The following FGGY variants were observed in gnomAD, a reference collection of about 807,000 sequenced individuals.
FGGY encodes FGGY carbohydrate kinase domain-containing protein.
In FGGY, 72 loss-of-function variants were observed where a neutral mutation model predicts 71.3. The ratio of observed to expected loss-of-function variants is 1.01; its 90% CI spans 0.84 to 1.23. The LOEUF is 1.23. FGGY is among the 50% of genes most tolerant of loss of function. The pLI is 0.00. For synonymous variants in FGGY, 251 were observed against 250.3 expected (o/e 1.00, Z -0.02); for missense variants, 668 against 682.3 (o/e 0.98, Z 0.23).
At chr1:59,613,528 GC>G (rs1490985169) in intron 9 of FGGY, among the ~76,000 whole-genome samples, 5 of 152,234 alleles carry the variant, frequency 3.3e-5, no homozygotes, top group African/African-American at 1.2e-4. Context: ...AGCACTAAAT[GC>G]CCACAAGAGA....
chr1:59,369,129 C>T (rs1047096530), intron 4 of FGGY, among the ~76,000 whole-genome samples: 9 of 152,158 alleles, frequency 5.9e-5, no homozygotes, highest in Non-Finnish European at 1.0e-4. Flanking sequence ...ACTCGGAAAG[C>T]GCAAGGGGTC....
At chr1:59,436,857 G>T (rs1049689490) in intron 5 of FGGY, among the ~76,000 whole-genome samples, 1 of 152,120 alleles carries the variant, frequency 6.6e-6, no homozygotes, top group Admixed American at 6.6e-5. Context: ...GTAGCTCTTC[G>T]GGGGTGATCT....
chr1:59,686,496 TAAGTG>T (rs1434512885), intron 14 of FGGY, among the ~76,000 whole-genome samples: 5 of 152,210 alleles, frequency 3.3e-5, no homozygotes, highest in Non-Finnish European at 7.3e-5. Context: ...TAAACCACAT[TAAGTG>T]ATGTATTTTT....
chr1:59,441,696 C>T (rs564211478), intron 5 of FGGY, among the ~76,000 whole-genome samples: 40 of 152,286 alleles, frequency 2.6e-4, no homozygotes, highest in Middle Eastern at 3.4e-3. Flanking sequence ...CTGTTACCTT[C>T]TTAACAGATG....
chr1:59,535,317 C>T (rs1440487238), intron 7 of FGGY, among the ~76,000 whole-genome samples: 1 of 152,044 alleles, frequency 6.6e-6, no homozygotes, highest in African/African-American at 2.4e-5. Context: ...TACAGGAGCA[C>T]CCAGATTCAT....
intron 4 of FGGY, among the ~76,000 whole-genome samples, chr1:59,349,972 C>G (rs2052912143): frequency 6.6e-6 from 1 of 152,088 alleles, no homozygotes; most frequent in South Asian, 2.1e-4. Context: ...ACTTTTAATT[C>G]CAAAAGCTCT....
At chr1:59,613,745 C>T (rs142354758) in intron 9 of FGGY, among the ~76,000 whole-genome samples, 5,956 of 151,856 alleles carry the variant, frequency 0.039, 189 homozygotes, top group African/African-American at 0.089. Context: ...ATTGATAGAA[C>T]GCTAGCAAGA....
At chr1:59,626,117 C>T in intron 10 of FGGY, 68 bp downstream of exon 10, 3 of 1,340,494 alleles carry the variant, frequency 2.2e-6, no homozygotes, top group East Asian at 2.4e-5. Flanking sequence ...TCACGTTGGG[C>T]AGTTGGGTGA....
At chr1:59,337,400 G>A (rs2153192796) in intron 2 of FGGY, among the ~76,000 whole-genome samples, 1 of 152,180 alleles carries the variant, frequency 6.6e-6, no homozygotes, top group East Asian at 1.9e-4. Context: ...CACCTGCTTT[G>A]TTCTAATCAC....
At chr1:59,462,272 TGGATCCCTTCCTTACACCTTA>T (rs2092298215) in intron 6 of FGGY, among the ~76,000 whole-genome samples, 1 of 152,196 alleles carries the variant, frequency 6.6e-6, no homozygotes, top group African/African-American at 2.4e-5. Flanking sequence ...AAGCTGAAAC[TGGATCCCTTCCTTACACCTTA>T]TACAAAAGTT....
intron 6 of FGGY, among the ~76,000 whole-genome samples, chr1:59,460,515 A>C (rs2092099751): frequency 6.6e-6 from 1 of 152,232 alleles, no homozygotes; most frequent in South Asian, 2.1e-4. Context: ...CTGCAGTCTT[A>C]AACGTTCCTG....
At chr1:59,616,618 A>T (rs1322966007) in intron 9 of FGGY, among the ~76,000 whole-genome samples, 1 of 152,116 alleles carries the variant, frequency 6.6e-6, no homozygotes, top group Non-Finnish European at 1.5e-5. Flanking sequence ...GTACCCTAAA[A>T]CTTAAAGTAT....
intron 6 of FGGY, among the ~76,000 whole-genome samples, chr1:59,502,539 C>T (rs2094257373): frequency 3.9e-5 from 6 of 152,108 alleles, no homozygotes; most frequent in Admixed American, 3.9e-4. Flanking sequence ...CAGAATTGGC[C>T]GCCCACACTC....
At chr1:59,482,110 T>C (rs547860903) in intron 6 of FGGY, among the ~76,000 whole-genome samples, 1 of 152,298 alleles carries the variant, frequency 6.6e-6, no homozygotes, top group Non-Finnish European at 1.5e-5. Context: ...AAGATCTGTA[T>C]TCTCTTGGGT....
intron 8 of FGGY, among the ~76,000 whole-genome samples, 192 bp from the exon 9 acceptor site, chr1:59,607,611 C>T (rs1223828948): frequency 6.6e-6 from 1 of 152,142 alleles, no homozygotes; most frequent in African/African-American, 2.4e-5. Context: ...ATTACCTTAA[C>T]ATTTAAATGA....
intron 6 of FGGY, among the ~76,000 whole-genome samples, chr1:59,484,082 T>C (rs1381079222): frequency 6.6e-6 from 1 of 152,172 alleles, no homozygotes. Context: ...GTACCATTAT[T>C]ATCTTCCTTT....
Position 59,584,544 on chromosome 1 carries a change from C to T in FGGY, c.904-23259C>T, listed in dbSNP as rs1478220825. Among the ~76,000 whole-genome samples the T allele has an allele frequency of 2.0e-5, 3 of 149,904 alleles. No individual in the cohort carries two copies. The East Asian group carries it at 5.8e-4, about 29-fold the overall frequency. On this transcript the variant is annotated intron_variant, in intron 8 of 15. Transcript: ENST00000303721. ...TCAAAATAATAAGACCTATCTATGACAAACCCACAGCCAATATCATACTGA... is the reference window on the plus strand; with the variant it reads ...TCAAAATAATAAGACCTATCTATGATAAACCCACAGCCAATATCATACTGA...
chr1:59,505,414 T>C (rs887397070), intron 6 of FGGY, among the ~76,000 whole-genome samples: 6 of 152,190 alleles, frequency 3.9e-5, no homozygotes, highest in African/African-American at 1.4e-4. Flanking sequence ...GTAGGTTCAG[T>C]CTGAAAGGAC....
chr1:59,448,461 G>A (rs909079515), intron 5 of FGGY, among the ~76,000 whole-genome samples: 12 of 152,236 alleles, frequency 7.9e-5, no homozygotes, highest in African/African-American at 2.9e-4. Context: ...TGAGGTTAAT[G>A]GTCTATGCAA....
Sources: allele counts gnomAD v4.1 joint callset (sites outside exome capture counted in the v4.1 genomes callset), GRCh38; gene constraint gnomAD v4.1.1; transcripts MANE v1.5; gene names NCBI Gene and HGNC (gene_info 2026-07-23, HGNC 2026-07-21).